Variants in IZUMO3 observed in about 807,000 individuals in gnomAD.
IZUMO3 encodes IZUMO family member 3.
IZUMO3 carries 36 observed loss-of-function variants against 28.4 expected under a neutral mutation model. The ratio of observed to expected loss-of-function variants is 1.27; its 90% CI spans 0.97 to 1.67. The LOEUF is 1.67. IZUMO3 is among the 40% of genes most tolerant of loss of function. The pLI is 0.00. For synonymous variants in IZUMO3, 126 were observed against 99.2 expected (o/e 1.27, Z -1.61); for missense variants, 387 against 278.5 (o/e 1.39, Z -2.77).
chr9:24,544,248 G>A lies in IZUMO3; in HGVS notation c.443C>T (p.Thr148Met), dbSNP rs754741313. ...VVEGPILDCW[T>M]CLRMTNRCFK... ...GCACCTGTTAGTCATGCGAAGACAC[G>A]TCCAACAATCAAGAATGGGACCTTC... Residue 148 changes from threonine to methionine, a missense_variant, in exon 5 of 7, where the codon ACG becomes ATG. Physicochemically the swap from Thr to Met is moderately conservative, Grantham distance 81. Transcript: ENST00000543880. The A allele has an allele frequency of 1.1e-5, 17 of 1,549,892 alleles. No homozygotes were observed. Among genetic ancestry groups the A allele is most frequent in the South Asian group, 4.8e-5 (4 of 84,058 alleles).
intron 2 of IZUMO3, 28 bp from the exon 3 acceptor site, chr9:24,545,089 A>G: frequency 1.3e-6 from 2 of 1,497,766 alleles, no homozygotes; most frequent in Non-Finnish European, 1.8e-6. Flanking sequence ...GGGTGTCAAA[A>G]AATAGAAGTA....
Position 24,545,730 on chromosome 9 carries a change from G to T in IZUMO3, c.-81C>A. The stretch of plus-strand genomic sequence containing the variant: ...AGTTCCTTTTCCTTCAAAAATCCGG[G>T]AATGAGAGCCTGGTTCTGGATAGTC... On this transcript the variant is annotated 5_prime_UTR_variant, in exon 1 of 7. Coordinates refer to ENST00000543880, the MANE Select transcript of IZUMO3 (RefSeq NM_001365008.2). 1 of 1,533,616 alleles carries T rather than the reference G, an allele frequency of 6.5e-7. No homozygotes were observed. The highest frequency in any genetic ancestry group is 8.8e-7 in the Non-Finnish European group (1 of 1,142,208).
intron 4 of IZUMO3, 99 bp downstream of exon 4, chr9:24,544,644 T>C: frequency 1.9e-6 from 2 of 1,063,798 alleles, no homozygotes; most frequent in East Asian, 5.2e-5. Context: ...TAGGAATTGG[T>C]TTCCCAGTGT....
At position 24,545,799 on chromosome 9, in the gene IZUMO3, CTTTAGTTG is replaced by C. The variant is rs1819581150; in HGVS notation, c.-158_-151del. 6.5e-7 allele frequency: 1 copy of C among 1,542,786 alleles called. No homozygotes were observed. Among genetic ancestry groups the C allele is most frequent in the African/African-American group, 1.4e-5 (1 of 72,712 alleles). On this transcript the variant is annotated 5_prime_UTR_variant, in exon 1 of 7. Coordinates refer to ENST00000543880, the MANE Select transcript of IZUMO3 (RefSeq NM_001365008.2). ...TGTTTCCATCCCACTATCGGGCAATCTTTAGTTGTTTAGTTTAATGATCTTTAGTTGTT... is the reference window on the plus strand; with the variant it reads ...TGTTTCCATCCCACTATCGGGCAATCTTTAGTTTAATGATCTTTAGTTGTT...
chr9:24,544,101 G>A (rs1819524126), intron 5 of IZUMO3, 100 bp downstream of exon 5: 2 of 822,948 alleles, frequency 2.4e-6, no homozygotes, highest in South Asian at 3.0e-5. Context: ...TCCATTAAAG[G>A]TCATGTAGTG....
chr9:24,545,069 G>C lies in IZUMO3; in HGVS notation c.302-8C>G. 2 of 1,529,550 alleles carry C rather than the reference G, an allele frequency of 1.3e-6. No homozygotes were observed. Among genetic ancestry groups the C allele is most frequent in the Non-Finnish European group, 1.8e-6 (2 of 1,127,776 alleles). 94.7% of individuals were successfully genotyped at this position (1,529,550 alleles called of 1,614,324 possible). ...CTTGATAGATAAAGACACCTAAGAGGGAGTGGAAGGGGTGTCAAAAAATAG... is the reference window on the plus strand; with the variant it reads ...CTTGATAGATAAAGACACCTAAGAGCGAGTGGAAGGGGTGTCAAAAAATAG... On this transcript the variant is annotated splice_polypyrimidine_tract_variant and splice_region_variant and intron_variant, in intron 2 of 6. Coordinates refer to ENST00000543880, the MANE Select transcript of IZUMO3 (RefSeq NM_001365008.2).
At chr9:24,544,868 C>G (rs973236863) in intron 3 of IZUMO3, 104 bp downstream of exon 3, 1 of 1,327,034 alleles carries the variant, frequency 7.5e-7, no homozygotes, top group South Asian at 1.3e-5. Flanking sequence ...ACCTCTCCAC[C>G]CATTCTAAAT....
chr9:24,544,394 T>C lies in IZUMO3; in HGVS notation c.410-113A>G. 3 of 768,804 alleles carry C rather than the reference T, an allele frequency of 3.9e-6. No individual in the cohort carries two copies. The South Asian group carries it at 4.7e-5, about 12-fold the overall frequency. The allele number at this position is 768,804 out of a possible 1,614,324, so 47.6% of individuals were successfully genotyped here. On this transcript the variant is annotated intron_variant, in intron 4 of 6. Transcript: ENST00000543880. ...CAAGCATTCCCAGGACTCTCAAGTT[T>C]GCATTGCTGTGAATTTCTTCTTCTC...
intron 3 of IZUMO3, 23 bp downstream of exon 3, chr9:24,544,949 G>C (rs1200239826): frequency 6.7e-7 from 1 of 1,486,804 alleles, no homozygotes; most frequent in Non-Finnish European, 9.2e-7. Flanking sequence ...CTTCAGTGCT[G>C]TTATATAGAA....
chr9:24,545,008 T>G lies in IZUMO3; in HGVS notation c.355A>C (p.Lys119Gln). ...LLDVCQNLES[K>Q]LKELLKNFSE... ...AAGTTCTTTAGTAATTCTTTCAGTT[T>G]GGATTCCAGGTTTTGGCAGACATCG... The change falls in exon 3 of 7, where the codon AAA becomes CAA. Residue 119 changes from lysine to glutamine, a missense_variant. Lys to Gln is a moderately conservative substitution (Grantham distance 53, BLOSUM62 1). Coordinates refer to ENST00000543880, the MANE Select transcript of IZUMO3 (RefSeq NM_001365008.2). 1 of 1,550,858 alleles carries G rather than the reference T, an allele frequency of 6.4e-7. No homozygotes were observed. The highest frequency in any genetic ancestry group is 1.2e-5 in the South Asian group (1 of 84,052).
Position 24,543,282 on chromosome 9 carries a change from ATTC to A in IZUMO3, c.664_666del (p.Glu222del). ...TCCTTCTCATCTATCTTCCCCATTA[ATTC>A]TTCAAGTTTCTTCTCCACATATTCC... On this transcript the variant is annotated inframe_deletion, in exon 7 of 7. Coordinates refer to ENST00000543880, the MANE Select transcript of IZUMO3 (RefSeq NM_001365008.2). 1.4e-5 allele frequency: 21 copies of A among 1,548,444 alleles called. No individual in the cohort carries two copies. Among genetic ancestry groups the A allele is most frequent in the African/African-American group, 4.1e-5 (3 of 72,990 alleles).
rs1055885147 is a variant in IZUMO3, at chr9:24,544,715, C to T, written c.409+28G>A. 49 of 1,547,388 alleles carry T rather than the reference C, an allele frequency of 3.2e-5. 1 individual carries two copies. The Admixed American group carries it at 4.9e-4, about 15-fold the overall frequency. On this transcript the variant is annotated intron_variant, in intron 4 of 6. Transcript: ENST00000543880. ...GAGATGGGAAAATATGGGCTGAAAC[C>T]TCAAGGCGTCACATGTACTGTACTC...
In IZUMO3 at chr9:24,545,276, C is replaced by A. The variant is rs1379691254; in HGVS notation, c.237G>T (p.Gln79His). Residue 79 changes from glutamine (Q) to histidine (H), a missense_variant, in exon 2 of 7, where the codon CAG (glutamine) becomes CAT (histidine). Physicochemically the swap from Gln to His is conservative, Grantham distance 24 (BLOSUM62 0). Transcript: ENST00000543880. ...TCAACCATGTTCTCAACTTAACAAC[C>A]TGCTGAACAGCTAGAGAGGGAGAGT... ...DKRLRVLAVQ[Q>H]VVKLRTWLKN... 4 of 1,550,280 alleles carry A rather than the reference C, an allele frequency of 2.6e-6. No homozygotes were observed. In the South Asian group the frequency reaches 4.8e-5, roughly 18 times the overall value.
chr9:24,544,844 T>A (rs1348683352), intron 3 of IZUMO3, 84 bp from the exon 4 acceptor site: 13 of 1,420,852 alleles, frequency 9.1e-6, no homozygotes, highest in African/African-American at 1.4e-5. Context: ...TTGTTTACCC[T>A]TTAAGTTCCA....
rs1490784897 is a variant in IZUMO3, at chr9:24,545,116, G to T, written c.302-55C>A. On this transcript the variant is annotated intron_variant, in intron 2 of 6. Transcript: ENST00000543880. ...ATAGAAGTAGCTCTTCCCTTCAGAAGTTAATTATGTCTGTTTTTATCTTTG... is the reference window on the plus strand; with the variant it reads ...ATAGAAGTAGCTCTTCCCTTCAGAATTTAATTATGTCTGTTTTTATCTTTG... 5 of 1,472,786 alleles carry T rather than the reference G, an allele frequency of 3.4e-6. No individual in the cohort carries two copies. The East Asian group carries it at 9.9e-5, about 29-fold the overall frequency. The allele number at this position is 1,472,786 out of a possible 1,614,324, so 91.2% of individuals were successfully genotyped here.
chr9:24,545,149 C>T, intron 2 of IZUMO3, 63 bp downstream of exon 2: 1 of 1,511,574 alleles, frequency 6.6e-7, no homozygotes, highest in Non-Finnish European at 9.0e-7. Flanking sequence ...TTGTTTTCCC[C>T]AGCCAAATTT....
At chr9:24,544,806 G>T in intron 3 of IZUMO3, 46 bp from the exon 4 acceptor site, 1 of 1,539,980 alleles carries the variant, frequency 6.5e-7, no homozygotes, top group Non-Finnish European at 8.8e-7. Context: ...ACCAGCTACA[G>T]TTTGCCATAT....
Position 24,545,058 on chromosome 9 carries a change from A to T in IZUMO3, c.305T>A (p.Val102Asp), listed in dbSNP as rs1563908963. Residue 102 changes from valine to aspartate, a missense_variant, in exon 3 of 7, where the codon GTC becomes GAC. Coordinates refer to ENST00000543880, the MANE Select transcript of IZUMO3 (RefSeq NM_001365008.2). ...GAGAAGCTTGCCTTGATAGATAAAG[A>T]CACCTAAGAGGGAGTGGAAGGGGTG... is the stretch of plus-strand genomic sequence containing the variant. ...YKLGNETWKG[V>D]FIYQGKLLDV... The T allele has an allele frequency of 2.6e-6, 4 of 1,548,116 alleles. No homozygotes were observed. The highest frequency in any genetic ancestry group is 3.5e-6 in the Non-Finnish European group (4 of 1,144,490).
At position 24,543,823 on chromosome 9, in the gene IZUMO3, A is replaced by G. The variant is rs1486392190; in HGVS notation, c.491-69T>C. The G allele has an allele frequency of 5.7e-6, 6 of 1,052,048 alleles. No homozygotes were observed. The African/African-American group carries it at 9.5e-5, about 17-fold the overall frequency. The allele number at this position is 1,052,048 out of a possible 1,614,324, so 65.2% of individuals were successfully genotyped here. ...GAGAAATAGCTTGTGACATTTATTC[A>G]GAATAGAAAACTCTTTTAACCTCAG... On this transcript the variant is annotated intron_variant, in intron 5 of 6. Transcript: ENST00000543880.
Sources: gnomAD v4.1 joint callset for allele counts on GRCh38, gnomAD v4.1.1 for gene constraint, MANE v1.5 for transcripts, NCBI Gene and HGNC (gene_info 2026-07-23, HGNC 2026-07-21) for gene names.